Variants in UNC79 observed in about 807,000 individuals in gnomAD.
The protein encoded by UNC79 is unc-79 subunit of NALCN channel complex.
In UNC79, 37 loss-of-function variants were observed where a neutral mutation model predicts 283.1. The observed-to-expected ratio is 0.13, with a 90% CI of 0.10 to 0.17. The LOEUF is 0.17. UNC79 is among the 10% of genes least tolerant of loss of function. UNC79 has a pLI of 1.00. For missense variants in UNC79, 2,272 were observed against 3,211.1 expected (o/e 0.71, Z 7.07); for synonymous variants, 1,107 against 1,200.2 (o/e 0.92, Z 1.61).
chr14:93,381,705 A>T (rs990714826), intron 1 of UNC79, among the ~76,000 whole-genome samples: 1 of 152,224 alleles, frequency 6.6e-6, no homozygotes, highest in Admixed American at 6.5e-5. Context: ...ATGCTAGGAG[A>T]ACATTCCAGA....
chr14:93,704,590 C>G, intron 47 of UNC79, 35 bp from the exon 51 acceptor site: 3 of 1,610,850 alleles, frequency 1.9e-6, no homozygotes, highest in Non-Finnish European at 2.5e-6. Context: ...GAATAGAGGA[C>G]ACTAATAATG....
intron 26 of UNC79, among the ~76,000 whole-genome samples, chr14:93,606,915 T>C (rs1209428839): frequency 2.6e-5 from 4 of 152,218 alleles, no homozygotes; most frequent in Non-Finnish European, 1.5e-5. Flanking sequence ...GTTAACAATC[T>C]CATTTTATAG....
chr14:93,662,286 T>G (rs1440316103), intron 39 of UNC79, among the ~76,000 whole-genome samples: 1 of 152,194 alleles, frequency 6.6e-6, no homozygotes, highest in Non-Finnish European at 1.5e-5. Context: ...AAGATCCCAC[T>G]GCAAACCCCA....
intron 35 of UNC79, among the ~76,000 whole-genome samples, chr14:93,649,125 G>T (rs1382997619): frequency 2.0e-5 from 3 of 152,154 alleles, no homozygotes; most frequent in Admixed American, 2.0e-4. Flanking sequence ...ATGCCTTCTT[G>T]TGCCTCAGGG....
At chr14:93,578,114 G>A (rs374722899) in intron 18 of UNC79, 51 bp downstream of exon 18, 67 of 1,520,840 alleles carry the variant, frequency 4.4e-5, no homozygotes, top group Non-Finnish European at 5.8e-5. Context: ...ATGAGAGAAA[G>A]CGTTGTACAG....
chr14:93,636,238 A>G (rs1160225956), intron 31 of UNC79, among the ~76,000 whole-genome samples: 4 of 152,190 alleles, frequency 2.6e-5, no homozygotes, highest in Non-Finnish European at 4.4e-5. Context: ...TGTTCATGTC[A>G]CTCTGGTTTG....
At chr14:93,374,548 A>G (rs1233238786) in intron 1 of UNC79, among the ~76,000 whole-genome samples, 2 of 151,680 alleles carry the variant, frequency 1.3e-5, no homozygotes, top group Non-Finnish European at 2.9e-5. Context: ...TTTTAAAGTC[A>G]CTTTTTTTGA....
At chr14:93,389,121 A>T (rs2054833731) in intron 1 of UNC79, among the ~76,000 whole-genome samples, 3 of 152,180 alleles carry the variant, frequency 2.0e-5, no homozygotes, top group African/African-American at 7.2e-5. Flanking sequence ...GGGGACACTG[A>T]TTAACAGTGA....
At chr14:93,482,530 C>T (rs1392149442) in intron 4 of UNC79, among the ~76,000 whole-genome samples, 1 of 152,094 alleles carries the variant, frequency 6.6e-6, no homozygotes, top group Non-Finnish European at 1.5e-5. Flanking sequence ...GTAGGAGGCC[C>T]GCGTAGAGGT....
intron 42 of UNC79, among the ~76,000 whole-genome samples, chr14:93,684,698 G>C (rs1223185779): frequency 1.3e-5 from 2 of 152,014 alleles, no homozygotes; most frequent in African/African-American, 4.8e-5. Context: ...AGGAAATTAG[G>C]ATTATGGTGA....
intron 3 of UNC79, among the ~76,000 whole-genome samples, chr14:93,475,385 T>G (rs968360212): frequency 1.3e-4 from 20 of 152,200 alleles, no homozygotes; most frequent in African/African-American, 4.6e-4. Context: ...TTCTTGATGG[T>G]TTATTTAGTA....
At chr14:93,493,449 G>A (rs944562941) in intron 5 of UNC79, among the ~76,000 whole-genome samples, 4 of 152,306 alleles carry the variant, frequency 2.6e-5, no homozygotes, top group South Asian at 2.1e-4. Flanking sequence ...AGTTGAGAAC[G>A]GATTGAGAAG....
chr14:93,552,886 T>G (rs530216115), intron 14 of UNC79, among the ~76,000 whole-genome samples: 2 of 152,310 alleles, frequency 1.3e-5, no homozygotes, highest in African/African-American at 4.8e-5. Context: ...AAAGTGACAG[T>G]CTTTACTTAC....
chr14:93,429,833 G>T (rs77356024), upstream of UNC79, among the ~76,000 whole-genome samples: 1 of 152,148 alleles, frequency 6.6e-6, no homozygotes, highest in South Asian at 2.1e-4. Flanking sequence ...AAGGACTTGC[G>T]CATCCATTCG....
intron 16 of UNC79, among the ~76,000 whole-genome samples, 200 bp downstream of exon 16, chr14:93,573,016 A>T (rs2063293224): frequency 6.6e-6 from 1 of 152,232 alleles, no homozygotes; most frequent in Non-Finnish European, 1.5e-5. Context: ...ACATATAAAT[A>T]TATAAATTGT....
At chr14:93,471,783 C>A (rs1281078676) in intron 2 of UNC79, among the ~76,000 whole-genome samples, 2 of 151,904 alleles carry the variant, frequency 1.3e-5, no homozygotes, top group Admixed American at 1.3e-4. Flanking sequence ...AATCTAAAGG[C>A]AGTGAGAGAG....
intron 14 of UNC79, among the ~76,000 whole-genome samples, chr14:93,566,286 T>A (rs558970608): frequency 3.3e-5 from 5 of 152,294 alleles, no homozygotes; most frequent in Admixed American, 3.3e-4. Flanking sequence ...CCAAGTGGAT[T>A]TCCTAGACAA....
chr14:93,568,516 A>G (rs998673849), intron 14 of UNC79, among the ~76,000 whole-genome samples: 1 of 152,052 alleles, frequency 6.6e-6, no homozygotes, highest in Non-Finnish European at 1.5e-5. Context: ...TGTACTAAAA[A>G]TACAAAAATT....
At chr14:93,347,042 A>G in intron 1 of UNC79, 1 of 476,328 alleles carries the variant, frequency 2.1e-6, no homozygotes. Context: ...CAAAGCACGG[A>G]CTGCTGAGTG....
Sources: allele counts gnomAD v4.1 joint callset (sites outside exome capture counted in the v4.1 genomes callset), GRCh38; gene constraint gnomAD v4.1.1; transcripts MANE v1.5; gene names NCBI Gene and HGNC (gene_info 2026-07-23, HGNC 2026-07-21).